Variants in TJP3 observed in about 807,000 individuals in gnomAD.
TJP3 encodes tight junction protein ZO-3.
Under a neutral mutation model 104.2 loss-of-function variants are expected in TJP3, and 85 were observed. The ratio of observed to expected loss-of-function variants is 0.82; its 90% confidence interval spans 0.68 to 0.98. The LOEUF (loss-of-function observed/expected upper bound fraction) is 0.98. Among genes scored for constraint, TJP3 ranks in the 50% least tolerant of loss-of-function variants. The pLI, the probability that TJP3 is intolerant of heterozygous loss-of-function variation, is 0.00. For synonymous variants in TJP3, 550 were observed against 550.6 expected (o/e 1.00, Z 0.02); for missense variants, 1,367 against 1,322.8 (o/e 1.03, Z -0.52).
At chr19:3,728,284 CCT>C (rs2036622691) in intron 1 of TJP3, 138 bp from the exon 2 acceptor site, 3 of 1,342,120 alleles carry the variant, frequency 2.2e-6, no homozygotes, top group Non-Finnish European at 2.0e-6. Flanking sequence ...AACCTGAGGC[CCT>C]GAGAGAGGTA....
intron 5 of TJP3, among the ~76,000 whole-genome samples, 186 bp from the exon 6 acceptor site, chr19:3,731,749 C>CG (rs1478789185): frequency 3.9e-5 from 6 of 152,334 alleles, no homozygotes; most frequent in African/African-American, 1.4e-4. Flanking sequence ...CTGGTGTCCC[C>CG]GCCCCGTGGA....
At chr19:3,748,848 C>CTTTTTTT (rs71166925) in intron 19 of TJP3, among the ~76,000 whole-genome samples, 2 of 48,840 alleles carry the variant, frequency 4.1e-5, no homozygotes, top group Non-Finnish European at 7.1e-5. Context: ...TGCACCCGGC[C>CTTTTTTT]TTTTTTTTTT....
At position 3,735,621 on chromosome 19, in the gene TJP3, C is replaced by A. The variant is rs951743302; in HGVS notation, c.1042C>A (p.Pro348Thr). 27 of 1,614,214 alleles carry A rather than the reference C, an allele frequency of 1.7e-5. No individual in the cohort carries two copies. Among genetic ancestry groups the A allele is most frequent in the Non-Finnish European group, 2.3e-5 (27 of 1,180,036 alleles). Residue 348 changes from proline (P) to threonine (T), a missense_variant, in exon 9 of 21, where the codon CCA becomes ACA. By Grantham distance (38) the Pro-to-Thr change is conservative. Coordinates refer to ENST00000541714, the MANE Select transcript of TJP3 (RefSeq NM_001267560.2). Reference sequence around the variant, plus strand: ...AGTAGATTCCAGAACCATCTCGGAACCAGATGAGCAACGGTCAGGTGGGTG... The same window carrying A: ...AGTAGATTCCAGAACCATCTCGGAAACAGATGAGCAACGGTCAGGTGGGTG... ...SSVDSRTISE[P>T]DEQRSELPRE...
intron 13 of TJP3, 51 bp downstream of exon 13, chr19:3,739,185 T>G (rs2036779446): frequency 6.9e-7 from 1 of 1,458,388 alleles, no homozygotes; most frequent in African/African-American, 1.4e-5. Context: ...AGCCTCAGTC[T>G]CCCCGTTAGA....
intron 19 of TJP3, 121 bp downstream of exon 19, chr19:3,748,202 A>C: frequency 7.6e-7 from 1 of 1,319,788 alleles, no homozygotes; most frequent in Non-Finnish European, 1.0e-6. Context: ...TTCCCTGGTC[A>C]GACTGGTTTC....
At position 3,723,798 on chromosome 19, in the gene TJP3, A is replaced by G. The variant is rs1365020043; in HGVS notation, c.-9-4626A>G. Among the ~76,000 whole-genome samples, 4 of 45,090 alleles carry G rather than the reference A, an allele frequency of 8.9e-5. No individual in the cohort carries two copies. The Admixed American group carries it at 9.1e-4, about 10-fold the overall frequency. The allele number at this position is 45,090 out of a possible 152,430, so 29.6% of individuals were successfully genotyped here. A position where few individuals can be genotyped will look rare whatever the true frequency, so the allele number is the denominator to read the frequency against. ...ACAGAGTGACACTCTGTCTCAAAAGAAAAAAAAAAAATATATATATATATA... is the reference window on the plus strand; with the variant it reads ...ACAGAGTGACACTCTGTCTCAAAAGGAAAAAAAAAAATATATATATATATA... On this transcript the variant is annotated intron_variant, in intron 1 of 20. Transcript: ENST00000541714.
intron 1 of TJP3, among the ~76,000 whole-genome samples, chr19:3,727,387 G>A (rs1408178207): frequency 6.6e-6 from 1 of 151,248 alleles, no homozygotes; most frequent in Non-Finnish European, 1.5e-5. Context: ...GGATGCTGAG[G>A]CAGGAGAATC....
At chr19:3,713,846 G>T (rs1244305994) in intron 1 of TJP3, among the ~76,000 whole-genome samples, 1 of 151,012 alleles carries the variant, frequency 6.6e-6, no homozygotes, top group Non-Finnish European at 1.5e-5. Flanking sequence ...CTCCCGAGTA[G>T]CTGGGACTAC....
Position 3,750,189 on chromosome 19 carries a change from G to A in TJP3, c.2657+5G>A. ...GTGGCGACAGGACAGCATGCGGTAA[G>A]AACCCCATATTCCAGATTGGGGCCC... On this transcript the variant is annotated splice_donor_5th_base_variant and intron_variant, in intron 20 of 20. Coordinates refer to ENST00000541714, the MANE Select transcript of TJP3 (RefSeq NM_001267560.2). The A allele has an allele frequency of 6.3e-7, 1 of 1,592,768 alleles. No individual in the cohort carries two copies. Among genetic ancestry groups the A allele is most frequent in the South Asian group, 1.1e-5 (1 of 90,012 alleles).
chr19:3,744,834 A>G (rs1378207563), intron 15 of TJP3, among the ~76,000 whole-genome samples: 1 of 152,192 alleles, frequency 6.6e-6, no homozygotes, highest in Admixed American at 6.5e-5. Flanking sequence ...AAGCTGAGGC[A>G]GGAGAATTGC....
At chr19:3,739,739 C>T (rs2036787394) in intron 13 of TJP3, among the ~76,000 whole-genome samples, 2 of 152,140 alleles carry the variant, frequency 1.3e-5, no homozygotes, top group African/African-American at 4.8e-5. Flanking sequence ...AGGAGAAAAC[C>T]AATTTTCCAC....
In TJP3 at chr19:3,728,418, G is replaced by A. The variant is rs141849084; in HGVS notation, c.-9-6G>A. 4.3e-6 allele frequency: 7 copies of A among 1,614,102 alleles called. No homozygotes were observed. Among genetic ancestry groups the A allele is most frequent in the Admixed American group, 1.7e-5 (1 of 60,014 alleles). On this transcript the variant is annotated splice_region_variant and splice_polypyrimidine_tract_variant and intron_variant, in intron 1 of 20. Coordinates refer to ENST00000541714, the MANE Select transcript of TJP3 (RefSeq NM_001267560.2). ...CATGCCCATCTTCCCCGCTCCCCTC[G>A]ACCAGGTGGCTGACATGGAGGAGCT...
rs188966202 is a variant in TJP3 at position 3,744,492 on chromosome 19, C to T, written c.1939+458C>T. On this transcript the variant is annotated intron_variant, in intron 15 of 20. Transcript: ENST00000541714. ...CATCCTGGCTAACATGGTGAAACCC[C>T]GTCTCTACTAAAAATACAAAAATTA... Among the ~76,000 whole-genome samples the T allele has an allele frequency of 1.5e-4, 23 of 152,008 alleles. 1 individual carries two copies. The East Asian group carries it at 4.5e-3, about 29-fold the overall frequency.
chr19:3,730,699 C>T lies in TJP3; in HGVS notation c.606C>T (p.Asp202=), dbSNP rs777212580. Residue 202 remains aspartate, a synonymous_variant, in exon 5 of 21, where the codon GAC becomes GAT. Coordinates refer to ENST00000541714, the MANE Select transcript of TJP3 (RefSeq NM_001267560.2). This position sits in a 1 kb window ranked among gnomAD's most constrained non-coding sequence, Gnocchi z 7.3. Reference sequence around the variant, plus strand: ...AGTCAGTGCTGGTGAAGAGGAGAGACAGCGAAGGTCAGAAGAGGCGGGAGG... The same window carrying T: ...AGTCAGTGCTGGTGAAGAGGAGAGATAGCGAAGGTCAGAAGAGGCGGGAGG... The part of the protein sequence containing the change: ...PVKSVLVKRR[D]SEEFGVKLGS... 7.5e-6 allele frequency: 12 copies of T among 1,605,980 alleles called. No individual in the cohort carries two copies. Among genetic ancestry groups the T allele is most frequent in the Non-Finnish European group, 9.3e-6 (11 of 1,179,848 alleles).
chr19:3,747,910 C>T lies in TJP3; in HGVS notation c.2439C>T (p.Gly813=), dbSNP rs565405323. Residue 813 remains glycine (G), a synonymous_variant, in exon 19 of 21, where the codon GGC becomes GGT. Coordinates refer to ENST00000541714, the MANE Select transcript of TJP3 (RefSeq NM_001267560.2). The part of the protein sequence containing the change: ...VNSDYETDGE[G]GAYTDGEGYT... ...GCGACTACGAGACGGACGGCGAGGGCGGCGCGTACACGGATGGCGAGGGCT... is the reference window on the plus strand; with the variant it reads ...GCGACTACGAGACGGACGGCGAGGGTGGCGCGTACACGGATGGCGAGGGCT... 119 of 1,613,050 alleles carry T rather than the reference C, an allele frequency of 7.4e-5. No homozygotes were observed. In the Admixed American group the frequency reaches 1.6e-3, roughly 22 times the overall value.
intron 12 of TJP3, 45 bp from the exon 13 acceptor site, chr19:3,738,852 C>A: frequency 6.6e-7 from 1 of 1,518,854 alleles, no homozygotes; most frequent in Non-Finnish European, 9.0e-7. Context: ...GGGCTCAGAT[C>A]AGGCAGCAGC....
intron 7 of TJP3, 184 bp from the exon 8 acceptor site, chr19:3,734,143 T>C: frequency 1.2e-6 from 1 of 839,432 alleles, no homozygotes. Context: ...TGCCTTGGCC[T>C]CCTGAGTAGC....
Position 3,740,558 on chromosome 19 carries a change from G to A in TJP3, c.1638G>A (p.Glu546=). 6.8e-7 allele frequency: 1 copy of A among 1,476,630 alleles called. No individual in the cohort carries two copies. The allele number at this position is 1,476,630 out of a possible 1,614,324, so 91.5% of individuals were successfully genotyped here. A position where few individuals can be genotyped will look rare whatever the true frequency, so the allele number is the denominator to read the frequency against. ...TGTCCCCTCTTCTCCCCAGGGCGGAGCAGCTGGCCAGCCTGGAAGCTGCCC... is the reference window on the plus strand; with the variant it reads ...TGTCCCCTCTTCTCCCCAGGGCGGAACAGCTGGCCAGCCTGGAAGCTGCCC... ...RGIIPNQSRA[E]QLASLEAAQR... The change falls in exon 14 of 21, where the codon GAG becomes GAA. Residue 546 remains glutamate (E), a synonymous_variant. Transcript: ENST00000541714.
rs1425061658 is a variant in TJP3 at position 3,728,412 on chromosome 19, C to A, written c.-9-12C>A. 1 of 1,614,100 alleles carries A rather than the reference C, an allele frequency of 6.2e-7. No individual in the cohort carries two copies. Among genetic ancestry groups the A allele is most frequent in the African/African-American group, 1.3e-5 (1 of 74,952 alleles). On this transcript the variant is annotated splice_polypyrimidine_tract_variant and intron_variant, in intron 1 of 20. Coordinates refer to ENST00000541714, the MANE Select transcript of TJP3 (RefSeq NM_001267560.2). The stretch of plus-strand genomic sequence containing the variant: ...TGGCCTCATGCCCATCTTCCCCGCT[C>A]CCCTCGACCAGGTGGCTGACATGGA...
Sources: allele counts gnomAD v4.1 joint callset (sites outside exome capture counted in the v4.1 genomes callset), GRCh38; gene constraint gnomAD v4.1.1; non-coding constraint Gnocchi (gnomAD v3.1); transcripts MANE v1.5; gene names NCBI Gene and HGNC (gene_info 2026-07-23, HGNC 2026-07-21).